The following SH3RF3 variants were observed in gnomAD, a reference collection of about 807,000 sequenced individuals.
SH3RF3 encodes E3 ubiquitin-protein ligase SH3RF3.
SH3RF3 carries 29 observed loss-of-function variants against 66.3 expected under a neutral mutation model. The observed-to-expected ratio is 0.44, with a 90% CI of 0.33 to 0.60. The LOEUF (loss-of-function observed/expected upper bound fraction) is 0.60, where lower values mean the gene tolerates loss of function less well. Ranked by LOEUF, SH3RF3 falls within the 20% of genes least tolerant of loss-of-function variation. SH3RF3 has a pLI of 0.04. For missense variants in SH3RF3, 1,194 were observed against 1,190.9 expected (o/e 1.00, Z -0.04); for synonymous variants, 583 against 532.0 (o/e 1.10, Z -1.32).
intron 7 of SH3RF3, among the ~76,000 whole-genome samples, chr2:109,445,325 A>G (rs1297471055): frequency 6.6e-6 from 1 of 152,240 alleles, no homozygotes; most frequent in Non-Finnish European, 1.5e-5. Flanking sequence ...CCTCACACAG[A>G]AAGCACAAAG....
At chr2:109,387,986 C>T (rs1046400472) in intron 3 of SH3RF3, among the ~76,000 whole-genome samples, 9 of 152,082 alleles carry the variant, frequency 5.9e-5, no homozygotes, top group East Asian at 3.9e-4. Flanking sequence ...AGGGACTCCT[C>T]GGTCCCTGTT....
At chr2:109,425,335 T>C (rs559301975) in intron 5 of SH3RF3, among the ~76,000 whole-genome samples, 1 of 152,346 alleles carries the variant, frequency 6.6e-6, no homozygotes, top group African/African-American at 2.4e-5. Context: ...ATCCAGAAGA[T>C]CTAGCTAAAA....
At chr2:109,313,569 G>A (rs1315722424) in intron 1 of SH3RF3, 2 of 154,920 alleles carry the variant, frequency 1.3e-5, no homozygotes, top group African/African-American at 4.8e-5. Context: ...GGCCCAGATA[G>A]GGACTGTCCT....
chr2:109,307,397 G>A (rs1341035005), intron 1 of SH3RF3, among the ~76,000 whole-genome samples: 1 of 151,766 alleles, frequency 6.6e-6, no homozygotes, highest in Non-Finnish European at 1.5e-5. Flanking sequence ...GCTCTGGGCG[G>A]AAGCTTGGAG....
chr2:109,171,158 T>C (rs1384060538), intron 1 of SH3RF3, among the ~76,000 whole-genome samples: 1 of 152,228 alleles, frequency 6.6e-6, no homozygotes, highest in African/African-American at 2.4e-5. Context: ...TGTTTTGTTT[T>C]ATATATATGT....
chr2:109,389,775 G>A (rs765528770), intron 3 of SH3RF3, among the ~76,000 whole-genome samples: 2 of 152,068 alleles, frequency 1.3e-5, no homozygotes, highest in African/African-American at 2.4e-5. Context: ...TGTATAATGC[G>A]AGTGATCATT....
At chr2:109,315,497 C>T (rs1288338346) in intron 1 of SH3RF3, among the ~76,000 whole-genome samples, 2 of 152,244 alleles carry the variant, frequency 1.3e-5, no homozygotes, top group African/African-American at 4.8e-5. Context: ...GGAACTGTCT[C>T]AGTATGAAAA....
intron 9 of SH3RF3, among the ~76,000 whole-genome samples, 196 bp from the exon 10 acceptor site, chr2:109,501,307 C>A (rs1312888339): frequency 2.0e-5 from 3 of 152,030 alleles, no homozygotes; most frequent in Non-Finnish European, 4.4e-5. Flanking sequence ...GGGGAAATGC[C>A]TTTTAAATTT....
At chr2:109,492,030 G>C (rs1679142632) in intron 9 of SH3RF3, among the ~76,000 whole-genome samples, 1 of 151,984 alleles carries the variant, frequency 6.6e-6, no homozygotes, top group African/African-American at 2.4e-5. Flanking sequence ...TTCGTCAAGG[G>C]CCAGATGGTA....
intron 2 of SH3RF3, among the ~76,000 whole-genome samples, chr2:109,367,119 A>ATTTTTTTTT (rs150005222): frequency 1.8e-5 from 2 of 113,292 alleles, no homozygotes; most frequent in African/African-American, 3.5e-5. Context: ...TGCCCTGGTA[A>ATTTTTTTTT]TTTTTTTTTT....
intron 1 of SH3RF3, among the ~76,000 whole-genome samples, chr2:109,286,691 T>G (rs940915814): frequency 1.3e-5 from 2 of 152,186 alleles, no homozygotes; most frequent in Non-Finnish European, 2.9e-5. Context: ...GCTCATCTGC[T>G]AGCAAAACCT....
chr2:109,411,442 C>T (rs933470094), intron 4 of SH3RF3, among the ~76,000 whole-genome samples: 6 of 152,184 alleles, frequency 3.9e-5, no homozygotes, highest in African/African-American at 1.2e-4. Flanking sequence ...CCCCCAGTAG[C>T]GTGCTGCTGA....
chr2:109,425,640 C>T (rs1387859193), intron 5 of SH3RF3, among the ~76,000 whole-genome samples: 3 of 152,058 alleles, frequency 2.0e-5, no homozygotes, highest in Non-Finnish European at 4.4e-5. Context: ...TGATAGCACA[C>T]GTGTTTACAG....
At chr2:109,479,861 C>T (rs1447236423) in intron 8 of SH3RF3, among the ~76,000 whole-genome samples, 3 of 152,134 alleles carry the variant, frequency 2.0e-5, no homozygotes, top group Non-Finnish European at 4.4e-5. Flanking sequence ...GCCCTCAGAG[C>T]CTTCATACGG....
intron 1 of SH3RF3, among the ~76,000 whole-genome samples, chr2:109,165,915 G>C (rs184763313): frequency 6.6e-6 from 1 of 152,292 alleles, no homozygotes; most frequent in African/African-American, 2.4e-5. Flanking sequence ...TTGTGACATG[G>C]GTGGTCACTA....
At chr2:109,344,404 G>T (rs909312703) in intron 1 of SH3RF3, among the ~76,000 whole-genome samples, 5 of 152,188 alleles carry the variant, frequency 3.3e-5, no homozygotes, top group African/African-American at 1.2e-4. Context: ...CATGTTCCAG[G>T]TTCCAGAAGC....
chr2:109,156,484 T>C (rs1677347894), intron 1 of SH3RF3, among the ~76,000 whole-genome samples: 1 of 152,122 alleles, frequency 6.6e-6, no homozygotes. Context: ...TTGCTCTTGT[T>C]GTCCAGGCTG....
intron 3 of SH3RF3, among the ~76,000 whole-genome samples, chr2:109,374,406 T>C (rs1465115531): frequency 6.6e-6 from 1 of 152,166 alleles, no homozygotes; most frequent in African/African-American, 2.4e-5. Flanking sequence ...TTTCATTCTT[T>C]ATGTACTGAC....
chr2:109,208,555 G>A (rs756703583), intron 1 of SH3RF3, among the ~76,000 whole-genome samples: 39 of 152,188 alleles, frequency 2.6e-4, no homozygotes, highest in Middle Eastern at 3.2e-3. Flanking sequence ...AGCACCAACC[G>A]ACCCACCTGC....
Sources: gnomAD v4.1 joint callset for allele counts (sites outside exome capture counted in the v4.1 genomes callset) on GRCh38, gnomAD v4.1.1 for gene constraint, MANE v1.5 for transcripts, NCBI Gene and HGNC (gene_info 2026-07-23, HGNC 2026-07-21) for gene names.